Variants in CPNE4 observed in about 807,000 individuals in gnomAD.
CPNE4 encodes the protein copine-4.
CPNE4 carries 25 observed loss-of-function variants against 67.9 expected under a neutral mutation model. The observed-to-expected ratio is 0.37, with a 90% CI of 0.27 to 0.51. The LOEUF is 0.51. CPNE4 is among the 20% of genes least tolerant of loss of function. The pLI, the probability that CPNE4 is intolerant of heterozygous loss-of-function variation, is 0.93. For missense variants in CPNE4, 464 were observed against 690.8 expected (o/e 0.67, Z 3.68); for synonymous variants, 242 against 244.9 (o/e 0.99, Z 0.11).
chr3:131,785,638 AT>A (rs2083538456), intron 2 of CPNE4, among the ~76,000 whole-genome samples: 1 of 150,098 alleles, frequency 6.7e-6, no homozygotes, highest in African/African-American at 2.5e-5. Flanking sequence ...AGTTTGTTAC[AT>A]CTGCCAGCAC....
chr3:131,842,476 T>A (rs976171577), intron 2 of CPNE4, among the ~76,000 whole-genome samples: 17 of 152,176 alleles, frequency 1.1e-4, no homozygotes, highest in African/African-American at 3.9e-4. Context: ...AAGTACCCAC[T>A]CTGAACCCAG....
chr3:131,792,617 A>C (rs867893779), intron 2 of CPNE4, among the ~76,000 whole-genome samples: 1 of 99,156 alleles, frequency 1.0e-5, no homozygotes, highest in African/African-American at 4.1e-5. Flanking sequence ...GTGTGTATAT[A>C]TGTATATATA....
At chr3:131,612,790 AAAAT>A (rs1414383745) in intron 7 of CPNE4, among the ~76,000 whole-genome samples, 5 of 152,210 alleles carry the variant, frequency 3.3e-5, no homozygotes, top group African/African-American at 4.8e-5. Flanking sequence ...TCACAGCTGA[AAAAT>A]AAAATTAAAA....
rs150234381 is a variant in CPNE4 at position 131,787,211 on chromosome 3, C to A, written c.181-63586G>T. 2.0e-5 allele frequency among the ~76,000 whole-genome samples: 3 copies of A among 152,238 alleles called. No homozygotes were observed. In the East Asian group the frequency reaches 5.8e-4, roughly 29 times the overall value. ...TTTGCCAACTTGGTCTAGAGCAATACATGGGGAGGGAGATGCTGGATGTCA... is the reference window on the plus strand; with the variant it reads ...TTTGCCAACTTGGTCTAGAGCAATAAATGGGGAGGGAGATGCTGGATGTCA... On this transcript the variant is annotated intron_variant, in intron 2 of 15. Transcript: ENST00000429747.
chr3:131,895,597 T>G (rs904856741), intron 2 of CPNE4, among the ~76,000 whole-genome samples: 4 of 152,028 alleles, frequency 2.6e-5, no homozygotes. Flanking sequence ...ATATGAAAAT[T>G]TATACTAACA....
At chr3:131,857,014 C>T (rs1261994962) in intron 2 of CPNE4, among the ~76,000 whole-genome samples, 1 of 152,000 alleles carries the variant, frequency 6.6e-6, no homozygotes, top group Non-Finnish European at 1.5e-5. Context: ...AGACATAATG[C>T]TTCAAGTATA....
At chr3:131,805,868 C>T (rs2084291105) in intron 2 of CPNE4, among the ~76,000 whole-genome samples, 1 of 152,204 alleles carries the variant, frequency 6.6e-6, no homozygotes, top group Admixed American at 6.5e-5. Flanking sequence ...GAGAAATAGA[C>T]TCTGCCTGTC....
intron 2 of CPNE4, among the ~76,000 whole-genome samples, chr3:131,884,484 C>A (rs2087802206): frequency 6.6e-6 from 1 of 152,098 alleles, no homozygotes; most frequent in South Asian, 2.1e-4. Flanking sequence ...GCATGGTGGG[C>A]ACCAGCAGGA....
intron 2 of CPNE4, among the ~76,000 whole-genome samples, chr3:131,735,932 G>GCTT (rs2082224306): frequency 6.6e-6 from 1 of 152,176 alleles, no homozygotes; most frequent in South Asian, 2.1e-4. Context: ...AAAATGTTAA[G>GCTT]CTTCTATCTG....
At chr3:132,007,410 C>T (rs1466810834) in intron 1 of CPNE4, among the ~76,000 whole-genome samples, 2 of 152,160 alleles carry the variant, frequency 1.3e-5, no homozygotes, top group Non-Finnish European at 2.9e-5. Context: ...TACTGACTCA[C>T]TTTATGAACC....
chr3:131,740,669 C>T (rs957101428), intron 2 of CPNE4, among the ~76,000 whole-genome samples: 1 of 152,210 alleles, frequency 6.6e-6, no homozygotes, highest in Non-Finnish European at 1.5e-5. Context: ...CCCTTCACCT[C>T]CCCTGTCCTC....
At chr3:131,770,291 C>T (rs1260562077) in intron 2 of CPNE4, among the ~76,000 whole-genome samples, 8 of 152,204 alleles carry the variant, frequency 5.3e-5, no homozygotes, top group Admixed American at 5.2e-4. Flanking sequence ...GACACCCCTT[C>T]TGAGAAGACA....
chr3:131,742,896 T>G (rs1239240370), intron 2 of CPNE4, among the ~76,000 whole-genome samples: 1 of 152,116 alleles, frequency 6.6e-6, no homozygotes, highest in Non-Finnish European at 1.5e-5. Flanking sequence ...TTAAATGCCT[T>G]TACTACTAAA....
At position 131,802,176 on chromosome 3, in the gene CPNE4, C is replaced by T. The variant is rs74737679; in HGVS notation, c.181-78551G>A. Among the ~76,000 whole-genome samples the T allele has an allele frequency of 8.0e-3, 1,221 of 152,038 alleles. 14 individuals carry two copies. Among genetic ancestry groups the T allele is most frequent in the African/African-American group, 0.027 (1,138 of 41,468 alleles). ...CCAACGGGCACCAGAGATTTGAGGC[C>T]GTAGAAATATGGGAGAGAACAGGGA... On this transcript the variant is annotated intron_variant, in intron 2 of 15. Transcript: ENST00000429747.
intron 2 of CPNE4, among the ~76,000 whole-genome samples, chr3:131,862,965 T>G (rs1346818987): frequency 6.7e-6 from 1 of 149,994 alleles, no homozygotes; most frequent in Non-Finnish European, 1.5e-5. Flanking sequence ...GGTGTTTGGT[T>G]TTTTGTCCTT....
In CPNE4 at chr3:131,992,707, C is replaced by T. The variant is rs138774576; in HGVS notation, c.-2+41860G>A. On this transcript the variant is annotated intron_variant, in intron 1 of 15. Transcript: ENST00000429747. ...GATATGGTTTGGCTGTGTCCCCACC[C>T]AAATCTCATCTTAAATTGTAGTTCC... Among the ~76,000 whole-genome samples, 864 of 135,754 alleles carry T rather than the reference C, an allele frequency of 6.4e-3. 188 individuals are homozygous for T. The highest frequency in any genetic ancestry group is 0.057 in the Middle Eastern group (15 of 264). The allele number at this position is 135,754 out of a possible 152,430, so 89.1% of individuals were successfully genotyped here.
chr3:131,902,105 C>G (rs2088576706), intron 2 of CPNE4, among the ~76,000 whole-genome samples: 2 of 151,884 alleles, frequency 1.3e-5, no homozygotes, highest in Admixed American at 6.6e-5. Context: ...TATATCCTTA[C>G]TGTATATTGT....
intron 7 of CPNE4, among the ~76,000 whole-genome samples, chr3:131,663,278 A>AGGGAG (rs1186089589): frequency 4.0e-5 from 6 of 150,312 alleles, no homozygotes; most frequent in Admixed American, 6.6e-5. Context: ...ACATGGACAC[A>AGGGAG]GGGAGGGGAA....
At chr3:132,006,549 C>T (rs770828032) in intron 1 of CPNE4, among the ~76,000 whole-genome samples, 54 of 152,104 alleles carry the variant, frequency 3.6e-4, no homozygotes, top group Non-Finnish European at 6.6e-4. Context: ...TGCTGCATTC[C>T]TCTTCCAAAA....
Sources: allele counts gnomAD v4.1 joint callset (sites outside exome capture counted in the v4.1 genomes callset), GRCh38; gene constraint gnomAD v4.1.1; transcripts MANE v1.5; gene names NCBI Gene and HGNC (gene_info 2026-07-23, HGNC 2026-07-21).